The following RPS6KC1 variants were observed in gnomAD, a reference collection of about 807,000 sequenced individuals.
RPS6KC1 encodes inactive ribosomal protein S6 kinase delta-1.
RPS6KC1 carries 54 observed loss-of-function variants against 103.8 expected under a neutral mutation model. The ratio of observed to expected loss-of-function variants is 0.52; its 90% CI spans 0.42 to 0.65. RPS6KC1 has a LOEUF of 0.65. Among genes scored for constraint, RPS6KC1 ranks in the 30% least tolerant of loss-of-function variants. RPS6KC1 has a pLI of 0.00. For synonymous variants in RPS6KC1, 439 were observed against 438.7 expected (o/e 1.00, Z -0.01); for missense variants, 1,151 against 1,253.8 (o/e 0.92, Z 1.24).
intron 14 of RPS6KC1, among the ~76,000 whole-genome samples, chr1:213,268,533 ATATATATTTTATTTATATATAATTTATT>A (rs1053098160): frequency 4.7e-5 from 7 of 148,666 alleles, no homozygotes; most frequent in African/African-American, 1.7e-4. Context: ...AGACAAAAAA[ATATATATTTTATTTATATATAATTTATT>A]TATATATTTA....
the RPS6KC1 span, among the ~76,000 whole-genome samples, chr1:213,544,322 C>T: frequency 6.6e-6 from 1 of 152,112 alleles, no homozygotes; most frequent in African/African-American, 2.4e-5. Flanking sequence ...TAAGGACAGA[C>T]TCCAGGAGAC....
the RPS6KC1 span, among the ~76,000 whole-genome samples, chr1:213,729,579 T>C: frequency 6.6e-6 from 1 of 152,144 alleles, no homozygotes; most frequent in Non-Finnish European, 1.5e-5. Context: ...TGGAAACCTG[T>C]TGGTCTCTCA....
intron 8 of RPS6KC1, among the ~76,000 whole-genome samples, chr1:213,192,730 T>TTTTAA (rs2092793735): frequency 6.6e-6 from 1 of 152,276 alleles, no homozygotes; most frequent in South Asian, 2.1e-4. Flanking sequence ...TTATTATTTC[T>TTTTAA]TTTCTTTTAA....
the RPS6KC1 span, among the ~76,000 whole-genome samples, chr1:213,685,532 A>C: frequency 6.6e-6 from 1 of 151,772 alleles, no homozygotes; most frequent in South Asian, 2.1e-4. Context: ...CAGGAGCCTG[A>C]GGCAGGAGAA....
chr1:213,214,111 G>A (rs1337889815), intron 8 of RPS6KC1, among the ~76,000 whole-genome samples: 1 of 22,820 alleles, frequency 4.4e-5, no homozygotes, highest in East Asian at 7.6e-4. Context: ...AGGGGTCAGG[G>A]AATTCCCTTT....
chr1:213,129,860 G>T lies in RPS6KC1; in HGVS notation c.806G>T (p.Gly269Val), dbSNP rs2085397241. Reference sequence around the variant, plus strand: ...GCTGCTTCTGATTTTTATAGGAAGGGAGTTGATTTACTCCTAGAAGGTGTT... The same window carrying T: ...GCTGCTTCTGATTTTTATAGGAAGGTAGTTGATTTACTCCTAGAAGGTGTT... ...YEAASDFYRK[G>V]VDLLLEGVQG... The change falls in exon 6 of 15, where the codon GGA becomes GTA. Residue 269 changes from glycine (G) to valine (V), a missense_variant. Physicochemically the swap from Gly to Val is moderately radical, Grantham distance 109. Transcript: ENST00000366960. 1.2e-6 allele frequency: 2 copies of T among 1,608,478 alleles called. No homozygotes were observed. The highest frequency in any genetic ancestry group is 1.7e-6 in the Non-Finnish European group (2 of 1,178,810).
At chr1:213,088,723 C>CT (rs2080674377) in intron 3 of RPS6KC1, among the ~76,000 whole-genome samples, 1 of 152,124 alleles carries the variant, frequency 6.6e-6, no homozygotes. Flanking sequence ...TGGCTTCTGT[C>CT]TCTTGATTGA....
chr1:213,631,378 C>A, the RPS6KC1 span, among the ~76,000 whole-genome samples: 132 of 137,008 alleles, frequency 9.6e-4, no homozygotes, highest in Admixed American at 1.1e-3. Flanking sequence ...CTTTCTATGC[C>A]AAAAAAAAAA....
At chr1:213,181,569 C>G (rs1050166164) in intron 8 of RPS6KC1, among the ~76,000 whole-genome samples, 1 of 152,168 alleles carries the variant, frequency 6.6e-6, no homozygotes, top group Non-Finnish European at 1.5e-5. Context: ...AATATCTTCT[C>G]TGATAATATG....
At chr1:213,698,958 G>A in the RPS6KC1 span, among the ~76,000 whole-genome samples, 3 of 151,606 alleles carry the variant, frequency 2.0e-5, no homozygotes, top group Admixed American at 6.6e-5. Context: ...TTGAGGGTAC[G>A]TGAGATATTT....
At chr1:213,194,560 C>T (rs2092867634) in intron 8 of RPS6KC1, among the ~76,000 whole-genome samples, 1 of 152,192 alleles carries the variant, frequency 6.6e-6, no homozygotes, top group Admixed American at 6.5e-5. Flanking sequence ...ACAGGTGTCA[C>T]TCTATCGCCT....
the RPS6KC1 span, among the ~76,000 whole-genome samples, chr1:213,388,630 G>T: frequency 6.6e-6 from 1 of 152,206 alleles, no homozygotes; most frequent in African/African-American, 2.4e-5. Context: ...CTGGAGGGGA[G>T]ACTTGGACTT....
the RPS6KC1 span, among the ~76,000 whole-genome samples, chr1:213,795,248 C>A: frequency 1.3e-5 from 2 of 152,186 alleles, no homozygotes; most frequent in Non-Finnish European, 2.9e-5. Context: ...TGAACATCTA[C>A]CCTATGCCAG....
the RPS6KC1 span, among the ~76,000 whole-genome samples, chr1:213,665,670 G>A: frequency 6.6e-6 from 1 of 152,078 alleles, no homozygotes; most frequent in Non-Finnish European, 1.5e-5. Context: ...GACCCTAAAT[G>A]TTTTCTTCTA....
At chr1:213,781,221 A>C in the RPS6KC1 span, among the ~76,000 whole-genome samples, 1 of 152,226 alleles carries the variant, frequency 6.6e-6, no homozygotes, top group Non-Finnish European at 1.5e-5. Flanking sequence ...TAAACAGAAA[A>C]GATAAAAGGC....
chr1:213,437,409 C>G, the RPS6KC1 span, among the ~76,000 whole-genome samples: 1 of 151,762 alleles, frequency 6.6e-6, no homozygotes, highest in Non-Finnish European at 1.5e-5. Context: ...ATTCTTTTTG[C>G]TTATATTTTT....
the RPS6KC1 span, among the ~76,000 whole-genome samples, chr1:213,638,664 G>A: frequency 6.6e-6 from 1 of 152,036 alleles, no homozygotes; most frequent in East Asian, 1.9e-4. Flanking sequence ...TATTAGATGG[G>A]TAAATTTGTA....
chr1:213,606,915 A>G, the RPS6KC1 span, among the ~76,000 whole-genome samples: 2 of 152,042 alleles, frequency 1.3e-5, no homozygotes, highest in Non-Finnish European at 2.9e-5. Flanking sequence ...GTATAATCTC[A>G]TTTAAAACTC....
the RPS6KC1 span, among the ~76,000 whole-genome samples, chr1:213,466,917 A>C: frequency 6.6e-6 from 1 of 152,216 alleles, no homozygotes; most frequent in Non-Finnish European, 1.5e-5. Flanking sequence ...ACAGGAAAGC[A>C]GTTATCCAAT....
Sources: gnomAD v4.1 joint callset for allele counts (sites outside exome capture counted in the v4.1 genomes callset) on GRCh38, gnomAD v4.1.1 for gene constraint, MANE v1.5 for transcripts, NCBI Gene and HGNC (gene_info 2026-07-23, HGNC 2026-07-21) for gene names.